The following ATP6V0A4 variants were observed in gnomAD, a reference collection of about 807,000 sequenced individuals.
ATP6V0A4 encodes V-type proton ATPase 116 kDa subunit a 4.
A neutral mutation model predicts 107.3 loss-of-function variants in ATP6V0A4; 86 were observed. That is an observed-to-expected ratio of 0.80 (90% CI 0.67 to 0.96). ATP6V0A4 has a LOEUF of 0.96. Ranked by LOEUF, ATP6V0A4 falls within the 40% of genes least tolerant of loss-of-function variation. The pLI is 0.00. For synonymous variants in ATP6V0A4, 353 were observed against 381.4 expected (o/e 0.93, Z 0.87); for missense variants, 908 against 1,045.6 (o/e 0.87, Z 1.81).
In ATP6V0A4 at chr7:138,721,990, C is replaced by G. The variant is rs147889261; in HGVS notation, c.2046G>C (p.Glu682Asp). ...QASRIQEDAT[E>D]NIEGDSSSPS... ...GGCTGGAGCTATCACCTTCAATGTTCTCAGTGGCATCTTCTTGGATCCTGG... is the reference window on the plus strand; with the variant it reads ...GGCTGGAGCTATCACCTTCAATGTTGTCAGTGGCATCTTCTTGGATCCTGG... The change falls in exon 19 of 22, where the codon GAG becomes GAC. Residue 682 changes from glutamate (E) to aspartate (D), a missense_variant. Physicochemically the swap from Glu to Asp is conservative, Grantham distance 45. Transcript: ENST00000310018. The G allele has an allele frequency of 1.8e-4, 285 of 1,614,170 alleles. No individual in the cohort carries two copies. The highest frequency in any genetic ancestry group is 1.2e-3 in the South Asian group (113 of 91,084).
At chr7:138,724,348 C>CT in intron 18 of ATP6V0A4, among the ~76,000 whole-genome samples, 1 of 152,304 alleles carries the variant, frequency 6.6e-6, no homozygotes, top group Middle Eastern at 3.4e-3. Context: ...TTTTTCACCT[C>CT]TGGCTTCATC....
chr7:138,730,200 T>C (rs1486729704), intron 17 of ATP6V0A4, among the ~76,000 whole-genome samples: 5 of 152,176 alleles, frequency 3.3e-5, no homozygotes, highest in Admixed American at 1.3e-4. Flanking sequence ...TACTTTTAAA[T>C]GTCCAAAAGA....
chr7:138,741,772 A>C (rs1246294012), intron 14 of ATP6V0A4, among the ~76,000 whole-genome samples: 2 of 152,208 alleles, frequency 1.3e-5, no homozygotes, highest in Non-Finnish European at 2.9e-5. Context: ...CAGTGACTAC[A>C]GGAATGTTTT....
intron 2 of ATP6V0A4, chr7:138,779,947 A>G (rs1241903209): frequency 6.6e-6 from 1 of 152,218 alleles, no homozygotes; most frequent in African/African-American, 2.4e-5. Flanking sequence ...GGTTGTATCC[A>G]GTATTTATAA....
intron 1 of ATP6V0A4, among the ~76,000 whole-genome samples, chr7:138,788,055 C>G (rs1808248175): frequency 1.3e-5 from 2 of 151,956 alleles, no homozygotes; most frequent in African/African-American, 4.8e-5. Flanking sequence ...TAGAAAAGGC[C>G]AGAAAACACA....
chr7:138,782,144 T>C (rs1042069375), intron 2 of ATP6V0A4, among the ~76,000 whole-genome samples: 4 of 152,164 alleles, frequency 2.6e-5, no homozygotes, highest in Non-Finnish European at 5.9e-5. Flanking sequence ...GCCCTGAAAG[T>C]TAGAAGTCTG....
Position 138,762,340 on chromosome 7 carries a change from C to T in ATP6V0A4, c.512G>A (p.Gly171Glu), listed in dbSNP as rs191361533. 16 of 1,614,158 alleles carry T rather than the reference C, an allele frequency of 9.9e-6. No individual in the cohort carries two copies. The highest frequency in any genetic ancestry group is 1.4e-5 in the Non-Finnish European group (16 of 1,180,026). ...AVPAYMTGKLGFIAGVINRER... is the reference protein window; with the variant it reads ...AVPAYMTGKLEFIAGVINRER... ...ATCTACACACAAGAATTACACTAAC[C>T]CCAACTTTCCGGTCATATATGCAGG... Residue 171 changes from glycine (G) to glutamate (E), a missense_variant and splice_region_variant, in exon 7 of 22, where the codon GGG (glycine) becomes GAG (glutamate). Coordinates refer to ENST00000310018, the MANE Select transcript of ATP6V0A4 (RefSeq NM_020632.3).
At position 138,726,005 on chromosome 7, in the gene ATP6V0A4, T is replaced by A. The variant is rs142616674; in HGVS notation, c.2010+2756A>T. 3.7e-3 allele frequency among the ~76,000 whole-genome samples: 421 copies of A among 114,814 alleles called. 2 individuals carry two copies. The highest frequency in any genetic ancestry group is 6.0e-3 in the Non-Finnish European group (314 of 52,722). 75.3% of individuals were successfully genotyped at this position (114,814 alleles called of 152,430 possible). A position where few individuals can be genotyped will look rare whatever the true frequency, so the allele number is the denominator to read the frequency against. The stretch of plus-strand genomic sequence containing the variant: ...AGTTTATTTATTTATTTATTTATTT[T>A]TTGAGACAGAGTCTCGTTCTGTCGC... On this transcript the variant is annotated intron_variant, in intron 18 of 21. Transcript: ENST00000310018.
At position 138,762,453 on chromosome 7, in the gene ATP6V0A4, TG is replaced by T. The variant is rs1355624591; in HGVS notation, c.418-20del. 6.2e-7 allele frequency: 1 copy of T among 1,613,976 alleles called. No homozygotes were observed. Among genetic ancestry groups the T allele is most frequent in the South Asian group, 1.1e-5 (1 of 91,084 alleles). ...TTTCCGTCTGAAAGTCAAAGCACTA[TG>T]ATTTTCATTTAAATATATTTAGGGA... On this transcript the variant is annotated intron_variant, in intron 6 of 21. Transcript: ENST00000310018.
At chr7:138,745,376 C>G (rs1225189177) in intron 13 of ATP6V0A4, 96 bp from the exon 14 acceptor site, 5 of 1,583,566 alleles carry the variant, frequency 3.2e-6, no homozygotes, top group Non-Finnish European at 4.3e-6. Flanking sequence ...ATCACCGGTG[C>G]AGGCACCCTT....
chr7:138,739,019 C>T (rs1805483701), intron 15 of ATP6V0A4, among the ~76,000 whole-genome samples: 1 of 152,178 alleles, frequency 6.6e-6, no homozygotes, highest in African/African-American at 2.4e-5. Context: ...GAGGAAGTAT[C>T]GTTTTGCTTA....
At position 138,756,470 on chromosome 7, in the gene ATP6V0A4, T is replaced by C; in HGVS notation, c.710A>G (p.Lys237Arg). The change falls in exon 9 of 22, where the codon AAG (lysine) becomes AGG (arginine). Residue 237 changes from lysine (K) to arginine (R), a missense_variant. By Grantham distance (26) the Lys-to-Arg change is conservative. Coordinates refer to ENST00000310018, the MANE Select transcript of ATP6V0A4 (RefSeq NM_020632.3). Reference sequence around the variant, plus strand: ...CACTCCCTCTTACCCATCACAGATCTTCTTGATTTTCTGCCTGAGCTGCTC... The same window carrying C: ...CACTCCCTCTTACCCATCACAGATCCTCTTGATTTTCTGCCTGAGCTGCTC... Reference protein sequence around the residue: ...QGEQLRQKIKKICDGFRATVY... With the variant: ...QGEQLRQKIKRICDGFRATVY... The C allele has an allele frequency of 6.2e-7, 1 of 1,613,752 alleles. No individual in the cohort carries two copies. Among genetic ancestry groups the C allele is most frequent in the Middle Eastern group, 1.6e-4 (1 of 6,062 alleles).
Position 138,745,158 on chromosome 7 carries a change from C to T in ATP6V0A4, c.1443G>A (p.Trp481Ter). 6.2e-7 allele frequency: 1 copy of T among 1,614,182 alleles called. No individual in the cohort carries two copies. Among genetic ancestry groups the T allele is most frequent in the Admixed American group, 1.7e-5 (1 of 60,018 alleles). ...CGTTTCTGAACATGGGTTGGACACT[C>T]CAAGAAGAGCCAAAGATGTTCAAGG... is the stretch of plus-strand genomic sequence containing the variant. ...SKSLNIFGSS[W>*]SVQPMFRNGT... is the part of the protein sequence containing the mutation. The change falls in exon 14 of 22, where the codon TGG (tryptophan) becomes TGA (stop). Residue 481 changes from tryptophan (W) to a stop codon, truncating the protein, a stop_gained. Coordinates refer to ENST00000310018, the MANE Select transcript of ATP6V0A4 (RefSeq NM_020632.3). LOFTEE classifies it high-confidence loss of function.
chr7:138,739,752 T>G (rs1342159727), intron 14 of ATP6V0A4, 119 bp from the exon 15 acceptor site: 9 of 1,525,344 alleles, frequency 5.9e-6, no homozygotes, highest in Non-Finnish European at 8.8e-7. Context: ...ATTCATCACT[T>G]TGGTTGGTTC....
intron 1 of ATP6V0A4, among the ~76,000 whole-genome samples, chr7:138,797,059 G>A (rs3823494): frequency 0.29 from 43,560 of 151,836 alleles, 6,519 homozygotes; most frequent in East Asian, 0.42. Context: ...GCTCACCTGC[G>A]CTTCTGGGTG....
In ATP6V0A4 at chr7:138,771,150, C is replaced by A. The variant is rs745618366; in HGVS notation, c.98G>T (p.Gly33Val). The A allele has an allele frequency of 1.2e-6, 2 of 1,614,152 alleles. No individual in the cohort carries two copies. Among genetic ancestry groups the A allele is most frequent in the Non-Finnish European group, 1.7e-6 (2 of 1,180,026 alleles). ...YCCVAELGEL[G>V]LVQFKDLNMN... Reference sequence around the variant, plus strand: ...ACCTACATCTTTGAACTGAACCAATCCGAGCTCTCCGAGCTCAGCCACACA... The same window carrying A: ...ACCTACATCTTTGAACTGAACCAATACGAGCTCTCCGAGCTCAGCCACACA... The change falls in exon 3 of 22, where the codon GGA becomes GTA. Residue 33 changes from glycine (G) to valine (V), a missense_variant. Transcript: ENST00000310018.
At chr7:138,723,523 C>CTTT (rs10528520) in intron 18 of ATP6V0A4, among the ~76,000 whole-genome samples, 7,127 of 127,262 alleles carry the variant, frequency 0.056, 287 homozygotes, top group East Asian at 0.11. Flanking sequence ...TCTTTCTTTT[C>CTTT]TTTTTTTTTT....
At chr7:138,766,220 G>A (rs3080575) in intron 5 of ATP6V0A4, among the ~76,000 whole-genome samples, 2 of 92,244 alleles carry the variant, frequency 2.2e-5, no homozygotes, top group Non-Finnish European at 2.0e-5. Context: ...TTTTTTTTTT[G>A]GAAACACAGT....
chr7:138,785,492 G>C (rs2130203693), intron 2 of ATP6V0A4, among the ~76,000 whole-genome samples: 1 of 151,920 alleles, frequency 6.6e-6, no homozygotes, highest in South Asian at 2.1e-4. Flanking sequence ...GGCCAGGCTG[G>C]TCTTGAACCC....
Sources: allele counts gnomAD v4.1 joint callset (sites outside exome capture counted in the v4.1 genomes callset), GRCh38; gene constraint gnomAD v4.1.1; transcripts MANE v1.5; gene names NCBI Gene and HGNC (gene_info 2026-07-23, HGNC 2026-07-21).